Variants in PITPNM2 observed in about 807,000 individuals in gnomAD.
The protein encoded by PITPNM2 is membrane-associated phosphatidylinositol transfer protein 2.
PITPNM2 carries 35 observed loss-of-function variants against 132.2 expected under a neutral mutation model. The ratio of observed to expected loss-of-function variants is 0.26; its 90% CI spans 0.20 to 0.35. The LOEUF (loss-of-function observed/expected upper bound fraction) is 0.35. PITPNM2 is among the 10% of genes least tolerant of loss of function. PITPNM2 has a pLI of 1.00. For missense variants in PITPNM2, 1,332 were observed against 1,912.0 expected (o/e 0.70, Z 5.66); for synonymous variants, 738 against 799.2 (o/e 0.92, Z 1.29).
chr12:123,115,580 CAT>C (rs1218575729), intron 1 of PITPNM2, among the ~76,000 whole-genome samples: 1 of 152,024 alleles, frequency 6.6e-6, no homozygotes, highest in Admixed American at 6.6e-5. Context: ...CACACACACA[CAT>C]ACACACACGC....
At position 122,986,740 on chromosome 12, in the gene PITPNM2, T is replaced by C; in HGVS notation, c.3503A>G (p.His1168Arg). 6.2e-7 allele frequency: 1 copy of C among 1,613,528 alleles called. No individual in the cohort carries two copies. ...GGACACCACGCCATGGGGGAAGTTGTGCTGGGCCAGCCACGCCACCACCCG... is the reference window on the plus strand; with the variant it reads ...GGACACCACGCCATGGGGGAAGTTGCGCTGGGCCAGCCACGCCACCACCCG... Reference protein sequence around the residue: ...KQRVVAWLAQHNFPHGVVSFC... With the variant: ...KQRVVAWLAQRNFPHGVVSFC... Residue 1168 changes from histidine to arginine, a missense_variant, in exon 24 of 26, where the codon CAC (histidine) becomes CGC (arginine). By Grantham distance (29) the His-to-Arg change is conservative. Around this residue, in one of 6 missense-constraint regions of PITPNM2, gnomAD observed 251 missense variants for 472.0 expected, o/e 0.53. Transcript: ENST00000320201.
chr12:122,986,336 G>A lies in PITPNM2; in HGVS notation c.3741C>T (p.Gly1247=), dbSNP rs1413580749. 1.3e-6 allele frequency: 2 copies of A among 1,580,568 alleles called. No individual in the cohort carries two copies. Among genetic ancestry groups the A allele is most frequent in the African/African-American group, 1.3e-5 (1 of 74,320 alleles). Residue 1247 remains glycine (G), a synonymous_variant, in exon 26 of 26, where the codon GGC becomes GGT. Coordinates refer to ENST00000320201, the MANE Select transcript of PITPNM2 (RefSeq NM_020845.3). ...LQQQCQFITD[G]YAAHLAQLKY... is the part of the protein sequence containing the mutation. ...TCAGCTGCGCCAGGTGGGCCGCGTA[G>A]CCATCCGTGATGAACTGCGGGGTCA...
chr12:122,995,220 T>C (rs58462666), intron 14 of PITPNM2, among the ~76,000 whole-genome samples, 169 bp downstream of exon 14: 6,596 of 152,220 alleles, frequency 0.043, 470 homozygotes, highest in African/African-American at 0.15. Flanking sequence ...AGACAAGGCA[T>C]CCAGTAAGCC....
intron 2 of PITPNM2, among the ~76,000 whole-genome samples, chr12:123,067,406 A>C (rs2136854898): frequency 6.6e-6 from 1 of 151,888 alleles, no homozygotes; most frequent in South Asian, 2.1e-4. Context: ...CAGTGAGCCA[A>C]GATTGTGCCA....
At position 122,989,780 on chromosome 12, in the gene PITPNM2, G is replaced by T. The variant is rs944067499; in HGVS notation, c.2731+7C>A. On this transcript the variant is annotated splice_region_variant and intron_variant, in intron 18 of 25. Coordinates refer to ENST00000320201, the MANE Select transcript of PITPNM2 (RefSeq NM_020845.3). ...CCCCAGTGAGGGGAAAGTGTGTGGG[G>T]TGGTACCTTCTCCAATGTCCAGCTC... is the stretch of plus-strand genomic sequence containing the variant. 7.1e-7 allele frequency: 1 copy of T among 1,401,442 alleles called. No individual in the cohort carries two copies. The highest frequency in any genetic ancestry group is 2.8e-5 in the Admixed American group (1 of 35,534). The allele number at this position is 1,401,442 out of a possible 1,614,324, so 86.8% of individuals were successfully genotyped here. A position where few individuals can be genotyped will look rare whatever the true frequency, so the allele number is the denominator to read the frequency against.
At chr12:123,020,245 C>G (rs61516893) in intron 3 of PITPNM2, among the ~76,000 whole-genome samples, 6,458 of 151,892 alleles carry the variant, frequency 0.043, 455 homozygotes, top group African/African-American at 0.15. Flanking sequence ...CTCAGCCTCC[C>G]GAATAGCTGG....
chr12:123,114,672 C>T (rs2042902276), intron 1 of PITPNM2, among the ~76,000 whole-genome samples: 2 of 152,116 alleles, frequency 1.3e-5, no homozygotes, highest in South Asian at 4.2e-4. Context: ...TATGAGGCCT[C>T]ACTCAAGCAA....
intron 3 of PITPNM2, among the ~76,000 whole-genome samples, chr12:123,026,415 T>C (rs903929491): frequency 1.3e-5 from 2 of 152,258 alleles, no homozygotes; most frequent in African/African-American, 4.8e-5. Context: ...GCCTCTCTGG[T>C]TTCTGGCCTC....
rs919290945 is a variant in PITPNM2 at position 123,097,287 on chromosome 12, C to T, written c.-96+13098G>A. Among the ~76,000 whole-genome samples, 24 of 152,312 alleles carry T rather than the reference C, an allele frequency of 1.6e-4. No individual in the cohort carries two copies. The highest frequency in any genetic ancestry group is 5.8e-4 in the African/African-American group (24 of 41,568). Reference sequence around the variant, plus strand: ...CGAACTCCTGACCTCAGGTGATCCACCTGCCTTGGCCTCCCAAAGTGCTGG... The same window carrying T: ...CGAACTCCTGACCTCAGGTGATCCATCTGCCTTGGCCTCCCAAAGTGCTGG... On this transcript the variant is annotated intron_variant, in intron 2 of 25. Coordinates refer to ENST00000320201, the MANE Select transcript of PITPNM2 (RefSeq NM_020845.3). The surrounding 1 kb of genome is among the most constrained non-coding windows in gnomAD (Gnocchi z 4.7).
chr12:123,121,121 C>T (rs909083451), intron 1 of PITPNM2, among the ~76,000 whole-genome samples: 1 of 152,268 alleles, frequency 6.6e-6, no homozygotes, highest in Non-Finnish European at 1.5e-5. Context: ...TGCTGACTCC[C>T]AAACCCCAGT....
At chr12:123,090,545 G>A (rs1190184537) in intron 2 of PITPNM2, 1 of 143,614 alleles carries the variant, frequency 7.0e-6, no homozygotes, top group Non-Finnish European at 1.5e-5. Flanking sequence ...TTTTTTTTTT[G>A]TATTTTTAGT....
chr12:123,061,931 G>A (rs187210798), intron 2 of PITPNM2, among the ~76,000 whole-genome samples: 36 of 152,294 alleles, frequency 2.4e-4, no homozygotes, highest in African/African-American at 7.7e-4. Context: ...TGGGTGCGGA[G>A]GAAGGCACAG....
rs1373643437 is a variant in PITPNM2 at position 123,150,635 on chromosome 12, G to A, written c.-200+118C>T. Among the ~76,000 whole-genome samples, 2 of 151,092 alleles carry A rather than the reference G, an allele frequency of 1.3e-5. No individual in the cohort carries two copies. Among genetic ancestry groups the A allele is most frequent in the South Asian group, 2.1e-4 (1 of 4,812 alleles). ...GCCCCCGGCGGGCTGGAGGCTCGGC[G>A]GGCGGGCGGGCCGGGGCCTCTCTGG... On this transcript the variant is annotated intron_variant, in intron 1 of 25. Coordinates refer to ENST00000320201, the MANE Select transcript of PITPNM2 (RefSeq NM_020845.3). This position sits in a 1 kb window ranked among gnomAD's most constrained non-coding sequence, Gnocchi z 6.0.
chr12:123,026,108 A>T (rs1306482660), intron 3 of PITPNM2, among the ~76,000 whole-genome samples: 1 of 152,236 alleles, frequency 6.6e-6, no homozygotes, highest in Non-Finnish European at 1.5e-5. Context: ...AATGAATTCT[A>T]GTCCCAACTC....
At chr12:122,998,879 G>A (rs1984658) in intron 10 of PITPNM2, among the ~76,000 whole-genome samples, 82,326 of 151,964 alleles carry the variant, frequency 0.54, 26,787 homozygotes, top group Non-Finnish European at 0.71. Context: ...TTGGGAGGCC[G>A]AGGCAGGCAG....
rs140719516 is a variant in PITPNM2 at position 122,986,700 on chromosome 12, C to G, written c.3543G>C (p.Leu1181=). Residue 1181 remains leucine (L), a synonymous_variant, in exon 24 of 26, where the codon CTG becomes CTC. Transcript: ENST00000320201. ...PHGVVSFCDG[L]VHDPLRHKAN... is the part of the protein sequence containing the mutation. ...CCTTGTGCCGCAGCGGGTCATGCAC[C>G]AGGCCGTCACAGAAGGACACCACGC... 3 of 1,613,518 alleles carry G rather than the reference C, an allele frequency of 1.9e-6. No homozygotes were observed. Among genetic ancestry groups the G allele is most frequent in the Non-Finnish European group, 8.5e-7 (1 of 1,180,010 alleles).
chr12:122,992,376 G>A lies in PITPNM2; in HGVS notation c.2404+123C>T, dbSNP rs929489349. 33 of 1,091,836 alleles carry A rather than the reference G, an allele frequency of 3.0e-5. No homozygotes were observed. The highest frequency in any genetic ancestry group is 4.2e-5 in the Non-Finnish European group (33 of 788,720). The allele number at this position is 1,091,836 out of a possible 1,614,324, so 67.6% of individuals were successfully genotyped here. Reference sequence around the variant, plus strand: ...CCCAACAGCTGTCCACCTCCAAGAGGCATTCAGCACAAGCTGTCCCTCTCA... The same window carrying A: ...CCCAACAGCTGTCCACCTCCAAGAGACATTCAGCACAAGCTGTCCCTCTCA... On this transcript the variant is annotated intron_variant, in intron 16 of 25. Transcript: ENST00000320201. This position sits in a 1 kb window ranked among gnomAD's most constrained non-coding sequence, Gnocchi z 6.5.
chr12:123,018,719 C>A (rs1338174059), intron 3 of PITPNM2, among the ~76,000 whole-genome samples: 1 of 151,728 alleles, frequency 6.6e-6, no homozygotes, highest in Non-Finnish European at 1.5e-5. Flanking sequence ...AGAGCTTTGG[C>A]ATTACAGGCT....
chr12:123,103,550 G>C (rs1286896243), intron 2 of PITPNM2, among the ~76,000 whole-genome samples: 4 of 152,172 alleles, frequency 2.6e-5, no homozygotes, highest in African/African-American at 7.2e-5. Context: ...GGCTGGGCTT[G>C]GCCTCTGTGG....
Sources: allele counts gnomAD v4.1 joint callset (sites outside exome capture counted in the v4.1 genomes callset), GRCh38; gene constraint gnomAD v4.1.1; regional missense constraint gnomAD v4.1.1; non-coding constraint Gnocchi (gnomAD v3.1); transcripts MANE v1.5; gene names NCBI Gene and HGNC (gene_info 2026-07-23, HGNC 2026-07-21).